ANO10: variants seen among roughly 807,000 people sequenced by gnomAD.
ANO10 encodes the protein anoctamin-10.
A neutral mutation model predicts 74.7 loss-of-function variants in ANO10; 77 were observed. That is an observed-to-expected ratio of 1.03 (90% CI 0.86 to 1.25). ANO10 has a LOEUF of 1.25. ANO10 is among the 50% of genes most tolerant of loss of function. ANO10 has a pLI of 0.00. For missense variants in ANO10, 721 were observed against 778.1 expected (o/e 0.93, Z 0.87); for synonymous variants, 279 against 284.9 (o/e 0.98, Z 0.21).
At chr3:43,411,900 A>G (rs1267709221) in intron 12 of ANO10, among the ~76,000 whole-genome samples, 2 of 151,962 alleles carry the variant, frequency 1.3e-5, no homozygotes, top group African/African-American at 4.8e-5. Context: ...ACAAAGACTT[A>G]GTTTTTTTCC....
chr3:43,578,892 T>TTGTATGA (rs1217113964), intron 5 of ANO10, among the ~76,000 whole-genome samples: 1 of 151,938 alleles, frequency 6.6e-6, no homozygotes, highest in Non-Finnish European at 1.5e-5. Context: ...AAAATGACTA[T>TTGTATGA]TGTATGACCT....
Position 43,566,845 on chromosome 3 carries a change from C to G in ANO10, c.1219-1118G>C, listed in dbSNP as rs535038852. On this transcript the variant is annotated intron_variant, in intron 7 of 12. Transcript: ENST00000292246. ...AAAGCTGGATGGAGAATAACTTTGA[C>G]GAGCTGAGAGAAGAAGGCTTCAGAC... Among the ~76,000 whole-genome samples, 9 of 152,294 alleles carry G rather than the reference C, an allele frequency of 5.9e-5. No homozygotes were observed. In the East Asian group the frequency reaches 1.4e-3, roughly 23 times the overall value.
intron 1 of ANO10, among the ~76,000 whole-genome samples, chr3:43,639,564 A>G (rs1161803197): frequency 6.6e-6 from 1 of 152,146 alleles, no homozygotes; most frequent in Non-Finnish European, 1.5e-5. Context: ...GGAGATTGAG[A>G]CCATCCTGGC....
chr3:43,423,033 T>A (rs1213841491), intron 12 of ANO10, among the ~76,000 whole-genome samples: 9 of 152,158 alleles, frequency 5.9e-5, no homozygotes, highest in Admixed American at 5.9e-4. Context: ...TATTTTAGAA[T>A]TCTTTCTTGC....
At chr3:43,571,000 C>G (rs1226691679) in intron 7 of ANO10, among the ~76,000 whole-genome samples, 1 of 147,896 alleles carries the variant, frequency 6.8e-6, no homozygotes, top group Non-Finnish European at 1.5e-5. Context: ...AAAAAACAAA[C>G]AACCCCATCA....
At position 43,561,414 on chromosome 3, in the gene ANO10, C is replaced by T. The variant is rs1404699680; in HGVS notation, c.1294-12G>A. The T allele has an allele frequency of 6.2e-7, 1 of 1,612,228 alleles. No homozygotes were observed. Among genetic ancestry groups the T allele is most frequent in the Non-Finnish European group, 8.5e-7 (1 of 1,178,600 alleles). On this transcript the variant is annotated splice_polypyrimidine_tract_variant and intron_variant, in intron 8 of 12. Coordinates refer to ENST00000292246, the MANE Select transcript of ANO10 (RefSeq NM_018075.5). ...AGAGTGGCCAAGCTCTAAAGAGAAG[C>T]ACACAAATCACATTTTGGGAATACA...
At chr3:43,643,850 A>AT (rs372577892) in intron 1 of ANO10, among the ~76,000 whole-genome samples, 1 of 150,274 alleles carries the variant, frequency 6.7e-6, no homozygotes, top group African/African-American at 2.5e-5. Context: ...CGCCCAGCTA[A>AT]TTTTTTTGTA....
chr3:43,688,299 C>T (rs2084300631), intron 1 of ANO10, among the ~76,000 whole-genome samples: 1 of 152,150 alleles, frequency 6.6e-6, no homozygotes, highest in African/African-American at 2.4e-5. Flanking sequence ...TACCACTGGG[C>T]TTGCACTGTG....
chr3:43,539,865 C>A (rs900802235), intron 11 of ANO10, among the ~76,000 whole-genome samples: 1 of 152,160 alleles, frequency 6.6e-6, no homozygotes, highest in African/African-American at 2.4e-5. Flanking sequence ...GTAAAACGAT[C>A]TCTTGCAGAG....
chr3:43,621,825 T>G (rs1220648199), intron 1 of ANO10, 84 bp downstream of exon 1: 1 of 152,942 alleles, frequency 6.5e-6, no homozygotes, highest in Non-Finnish European at 1.5e-5. Context: ...TCCTGGAGCC[T>G]GCAGCGGCCG....
At chr3:43,682,387 T>C (rs1016572480) in intron 1 of ANO10, among the ~76,000 whole-genome samples, 2 of 152,134 alleles carry the variant, frequency 1.3e-5, no homozygotes, top group Admixed American at 6.5e-5. Context: ...CAGGAAGAAG[T>C]TGAATCTCTG....
At chr3:43,456,710 A>G (rs1219189163) in intron 11 of ANO10, among the ~76,000 whole-genome samples, 2 of 152,254 alleles carry the variant, frequency 1.3e-5, no homozygotes, top group Non-Finnish European at 2.9e-5. Context: ...TATCAAATAT[A>G]CCATTGGTGC....
chr3:43,615,805 C>G (rs1393838486), intron 1 of ANO10, among the ~76,000 whole-genome samples: 1 of 151,972 alleles, frequency 6.6e-6, no homozygotes, highest in Non-Finnish European at 1.5e-5. Context: ...AGGGGCATGC[C>G]ACCACGCCCA....
At chr3:43,602,647 T>C (rs2082388103) in intron 2 of ANO10, among the ~76,000 whole-genome samples, 1 of 152,248 alleles carries the variant, frequency 6.6e-6, no homozygotes, top group Non-Finnish European at 1.5e-5. Flanking sequence ...GGTATAACCT[T>C]TATGAAGAAC....
chr3:43,517,996 T>C (rs1375829515), intron 11 of ANO10, among the ~76,000 whole-genome samples: 1 of 152,210 alleles, frequency 6.6e-6, no homozygotes, highest in African/African-American at 2.4e-5. Flanking sequence ...CTTTCTGTGA[T>C]TGTTTTGTGA....
chr3:43,551,472 C>G, intron 10 of ANO10: 1 of 456,536 alleles, frequency 2.2e-6, no homozygotes, highest in Non-Finnish European at 4.4e-6. Context: ...GTGTATTTAC[C>G]TGTGAAACCA....
At chr3:43,442,327 G>T (rs959563203) in intron 11 of ANO10, among the ~76,000 whole-genome samples, 1 of 151,796 alleles carries the variant, frequency 6.6e-6, no homozygotes, top group African/African-American at 2.4e-5. Flanking sequence ...AATGAACTCA[G>T]CAGAATTGTA....
At chr3:43,379,341 T>C (rs755920117) in intron 12 of ANO10, among the ~76,000 whole-genome samples, 26 of 152,198 alleles carry the variant, frequency 1.7e-4, no homozygotes, top group Non-Finnish European at 3.1e-4. Context: ...GCTTTTGCAA[T>C]TGGAGAACTT....
chr3:43,511,195 T>C lies in ANO10; in HGVS notation c.1797+38525A>G, dbSNP rs369514698. Among the ~76,000 whole-genome samples, 123 of 152,304 alleles carry C rather than the reference T, an allele frequency of 8.1e-4. No homozygotes were observed. In the Middle Eastern group the frequency reaches 0.01, roughly 13 times the overall value. On this transcript the variant is annotated intron_variant, in intron 11 of 12. Transcript: ENST00000292246. ...ACTGCAACATGCACAAAATAAAAAG[T>C]ATTATTATATTTCCAACCTAATTTA... is the stretch of plus-strand genomic sequence containing the variant.
Sources: gnomAD v4.1 joint callset for allele counts (sites outside exome capture counted in the v4.1 genomes callset) on GRCh38, gnomAD v4.1.1 for gene constraint, MANE v1.5 for transcripts, NCBI Gene and HGNC (gene_info 2026-07-23, HGNC 2026-07-21) for gene names.